GRIN3A: variants seen among roughly 807,000 people sequenced by gnomAD.
The protein encoded by GRIN3A is glutamate receptor ionotropic, NMDA 3A.
GRIN3A carries 47 observed loss-of-function variants against 92.4 expected under a neutral mutation model. The observed-to-expected ratio is 0.51, with a 90% CI of 0.40 to 0.65. The LOEUF is 0.65. Among genes scored for constraint, GRIN3A ranks in the 30% least tolerant of loss-of-function variants. GRIN3A has a pLI of 0.00. For synonymous variants in GRIN3A, 527 were observed against 540.6 expected (o/e 0.97, Z 0.35); for missense variants, 1,324 against 1,393.1 (o/e 0.95, Z 0.79).
At chr9:101,639,658 C>T (rs1254420909) in intron 3 of GRIN3A, among the ~76,000 whole-genome samples, 1 of 152,224 alleles carries the variant, frequency 6.6e-6, no homozygotes, top group Non-Finnish European at 1.5e-5. Context: ...CTCAAATCCT[C>T]ATGGCATAGG....
intron 1 of GRIN3A, among the ~76,000 whole-genome samples, chr9:101,694,678 C>A (rs963946126): frequency 6.6e-6 from 1 of 152,146 alleles, no homozygotes; most frequent in Non-Finnish European, 1.5e-5. Context: ...ACAAATACAA[C>A]TTTTGGGGCT....
chr9:101,688,103 T>C (rs1445941248), intron 1 of GRIN3A, among the ~76,000 whole-genome samples: 1 of 152,216 alleles, frequency 6.6e-6, no homozygotes, highest in African/African-American at 2.4e-5. Context: ...ATTAACTATG[T>C]TTATTATGGG....
At chr9:101,618,273 G>A (rs900464893) in intron 5 of GRIN3A, among the ~76,000 whole-genome samples, 3 of 150,648 alleles carry the variant, frequency 2.0e-5, no homozygotes, top group Admixed American at 6.6e-5. Flanking sequence ...TACAAAATGG[G>A]AGAAAATTTT....
At chr9:101,682,680 A>G (rs891952956) in intron 2 of GRIN3A, among the ~76,000 whole-genome samples, 1 of 152,230 alleles carries the variant, frequency 6.6e-6, no homozygotes, top group Non-Finnish European at 1.5e-5. Context: ...CAATTAACTA[A>G]CATTTAAAAA....
At chr9:101,667,746 G>A (rs1249471266) in intron 3 of GRIN3A, among the ~76,000 whole-genome samples, 1 of 152,018 alleles carries the variant, frequency 6.6e-6, no homozygotes, top group African/African-American at 2.4e-5. Flanking sequence ...CTGTTTGAGA[G>A]TGAGGACATT....
intron 2 of GRIN3A, among the ~76,000 whole-genome samples, chr9:101,678,137 GT>G (rs756801393): frequency 7.4e-4 from 112 of 152,206 alleles, no homozygotes; most frequent in Non-Finnish European, 1.2e-3. Context: ...CTTGGCCAGG[GT>G]AACTGCTCAG....
At chr9:101,692,140 A>C (rs1240035200) in intron 1 of GRIN3A, among the ~76,000 whole-genome samples, 2 of 152,130 alleles carry the variant, frequency 1.3e-5, no homozygotes, top group South Asian at 2.1e-4. Context: ...ATTTTCATAC[A>C]ATGGTCTCAG....
In GRIN3A at chr9:101,572,236, G is replaced by A. The variant is rs1827770904; in HGVS notation, c.*938C>T. On this transcript the variant is annotated 3_prime_UTR_variant, in exon 9 of 9. Transcript: ENST00000361820. ...ATCTGAAAATGGCCTAGTGTGTGGTGTGTAGAACATTTCACCCACAGTGTC... is the reference window on the plus strand; with the variant it reads ...ATCTGAAAATGGCCTAGTGTGTGGTATGTAGAACATTTCACCCACAGTGTC... The A allele has an allele frequency of 6.6e-6, 1 of 152,664 alleles. No homozygotes were observed. The highest frequency in any genetic ancestry group is 1.5e-5 in the Non-Finnish European group (1 of 68,058). 9.5% of individuals were successfully genotyped at this position (152,664 alleles called of 1,614,324 possible).
chr9:101,594,849 T>C (rs1209540092), intron 6 of GRIN3A: 1 of 1,606,542 alleles, frequency 6.2e-7, no homozygotes, highest in Admixed American at 1.7e-5. Flanking sequence ...TTAAACCTCC[T>C]GCCCAGCCTT....
At chr9:101,682,934 A>C (rs1829478852) in intron 2 of GRIN3A, among the ~76,000 whole-genome samples, 1 of 152,234 alleles carries the variant, frequency 6.6e-6, no homozygotes, top group African/African-American at 2.4e-5. Flanking sequence ...GTGAGCCGAG[A>C]TTGCGCCACC....
intron 1 of GRIN3A, among the ~76,000 whole-genome samples, chr9:101,720,913 G>A (rs1294259594): frequency 6.6e-6 from 1 of 152,096 alleles, no homozygotes; most frequent in African/African-American, 2.4e-5. Context: ...CAATACATGG[G>A]TGATGAAATA....
intron 6 of GRIN3A, among the ~76,000 whole-genome samples, chr9:101,589,653 CATGTT>C (rs1324396148): frequency 6.6e-6 from 1 of 152,058 alleles, no homozygotes; most frequent in Non-Finnish European, 1.5e-5. Context: ...CTTTTGCTAA[CATGTT>C]ATGTTTCTCC....
chr9:101,662,262 C>G (rs1417604070), intron 3 of GRIN3A, among the ~76,000 whole-genome samples: 1 of 151,822 alleles, frequency 6.6e-6, no homozygotes. Flanking sequence ...GGAATCTTGT[C>G]ACCGTGTTCA....
chr9:101,719,363 G>A (rs1829982986), intron 1 of GRIN3A, among the ~76,000 whole-genome samples: 1 of 150,798 alleles, frequency 6.6e-6, no homozygotes, highest in African/African-American at 2.4e-5. Flanking sequence ...AAGTTGCAGT[G>A]AGCTGAGATT....
intron 3 of GRIN3A, among the ~76,000 whole-genome samples, chr9:101,644,460 C>CAAA (rs35576054): frequency 0.018 from 1,727 of 95,022 alleles, 50 homozygotes; most frequent in East Asian, 0.13. Flanking sequence ...ATTAGTCACT[C>CAAA]AAAAAAAAAA....
rs772142343 is a variant in GRIN3A, at chr9:101,579,247, T to C, written c.2880A>G (p.Leu960=). The change falls in exon 7 of 9, where the codon CTA becomes CTG. Residue 960 remains leucine, a synonymous_variant. Coordinates refer to ENST00000361820, the MANE Select transcript of GRIN3A (RefSeq NM_133445.3). ...IGEHIVYRLL[L]PRIKNKSKLQ... is the part of the protein sequence containing the mutation. ...GCTTGGATTTGTTTTTGATTCGTGG[T>C]AGCAGCAGCCTGTATACTATGTGCT... 16 of 1,613,864 alleles carry C rather than the reference T, an allele frequency of 9.9e-6. No homozygotes were observed. Among genetic ancestry groups the C allele is most frequent in the Non-Finnish European group, 1.4e-5 (16 of 1,179,916 alleles).
chr9:101,645,465 C>A (rs987893571), intron 3 of GRIN3A, among the ~76,000 whole-genome samples: 8 of 151,724 alleles, frequency 5.3e-5, no homozygotes, highest in African/African-American at 1.9e-4. Context: ...GATGCAGATA[C>A]ATTTCTTTGA....
intron 1 of GRIN3A, 43 bp downstream of exon 1, chr9:101,737,238 C>G (rs1564155844): frequency 1.3e-6 from 2 of 1,548,284 alleles, no homozygotes; most frequent in Non-Finnish European, 1.8e-6. Context: ...GCCCCGGCCC[C>G]CAGCAGCGCC....
intron 1 of GRIN3A, among the ~76,000 whole-genome samples, chr9:101,714,661 C>T (rs1829921741): frequency 6.6e-6 from 1 of 152,012 alleles, no homozygotes; most frequent in Non-Finnish European, 1.5e-5. Context: ...AATTATGCCC[C>T]TAAGAAAGAA....
Sources: gnomAD v4.1 joint callset for allele counts (sites outside exome capture counted in the v4.1 genomes callset) on GRCh38, gnomAD v4.1.1 for gene constraint, MANE v1.5 for transcripts, NCBI Gene and HGNC (gene_info 2026-07-23, HGNC 2026-07-21) for gene names.